The following GPHN variants were observed in gnomAD, a reference collection of about 807,000 sequenced individuals.
The protein encoded by GPHN is gephyrin.
In GPHN, 17 loss-of-function variants were observed where a neutral mutation model predicts 95.5. The observed-to-expected ratio is 0.18, with a 90% CI of 0.12 to 0.27. GPHN has a LOEUF of 0.27. GPHN is among the 10% of genes least tolerant of loss of function. GPHN has a pLI of 1.00. For synonymous variants in GPHN, 320 were observed against 322.5 expected, an observed-to-expected ratio of 0.99 and a Z score of 0.08; for missense variants, 660 against 978.1, an observed-to-expected ratio of 0.67 and a Z score of 4.34.
chr14:67,245,100 C>T, the GPHN span, among the ~76,000 whole-genome samples: 2 of 152,160 alleles, frequency 1.3e-5, no homozygotes, highest in Admixed American at 6.5e-5. Flanking sequence ...GCAGCCCTGC[C>T]AGTAATTTTA....
At chr14:66,844,530 G>A (rs2153511031) in intron 4 of GPHN, among the ~76,000 whole-genome samples, 2 of 152,182 alleles carry the variant, frequency 1.3e-5, no homozygotes, top group East Asian at 1.9e-4. Flanking sequence ...TGCTCGAAGT[G>A]TGGAAAATGC....
the GPHN span, among the ~76,000 whole-genome samples, chr14:67,523,509 G>C: frequency 6.6e-6 from 1 of 152,186 alleles, no homozygotes; most frequent in Non-Finnish European, 1.5e-5. Context: ...TGGAAGATGA[G>C]AGCAATGCAA....
chr14:66,832,559 T>A (rs745434512), intron 4 of GPHN, among the ~76,000 whole-genome samples: 4 of 152,220 alleles, frequency 2.6e-5, no homozygotes, highest in Non-Finnish European at 5.9e-5. Context: ...GGTTTTATAA[T>A]TATTTTTGTA....
chr14:67,209,215 T>C, the GPHN span, among the ~76,000 whole-genome samples: 2 of 152,192 alleles, frequency 1.3e-5, no homozygotes, highest in Non-Finnish European at 2.9e-5. Context: ...CAAGTCCATA[T>C]CTCATGGAGT....
the GPHN span, among the ~76,000 whole-genome samples, chr14:67,420,883 C>T: frequency 3.2e-3 from 487 of 152,286 alleles, 2 homozygotes; most frequent in African/African-American, 0.011. Context: ...AAGAAAATAG[C>T]AAACAATGAT....
At chr14:66,836,820 G>A (rs2061842971) in intron 4 of GPHN, among the ~76,000 whole-genome samples, 1 of 152,048 alleles carries the variant, frequency 6.6e-6, no homozygotes, top group South Asian at 2.1e-4. Context: ...AGACATTTAT[G>A]CAGCCAGAAA....
At chr14:67,617,674 T>C in the GPHN span, among the ~76,000 whole-genome samples, 1 of 152,218 alleles carries the variant, frequency 6.6e-6, no homozygotes, top group Non-Finnish European at 1.5e-5. Flanking sequence ...GAAAGGTCGG[T>C]CTGGTGATCC....
In GPHN at chr14:66,823,332, C is replaced by T. The variant is rs566714828; in HGVS notation, c.202-1142C>T. ...TTTATATACCAGAAAGAATAGAGAG[C>T]TATTTATAAGAGTGAGTATTTAAGC... On this transcript the variant is annotated intron_variant, in intron 3 of 22. Transcript: ENST00000478722. The T allele has an allele frequency of 3.3e-5, 5 of 152,244 alleles. No homozygotes were observed. In the South Asian group the frequency reaches 1.0e-3, roughly 32 times the overall value. The allele number at this position is 152,244 out of a possible 1,614,324, so 9.4% of individuals were successfully genotyped here. A position where few individuals can be genotyped will look rare whatever the true frequency, so the allele number is the denominator to read the frequency against.
intron 5 of GPHN, among the ~76,000 whole-genome samples, chr14:66,895,332 G>A (rs569729337): frequency 6.6e-6 from 1 of 152,264 alleles, no homozygotes; most frequent in South Asian, 2.1e-4. Flanking sequence ...CACAGGAAAG[G>A]GAACGTCACA....
chr14:66,618,574 C>T (rs1595261973), intron 1 of GPHN, among the ~76,000 whole-genome samples: 1 of 152,238 alleles, frequency 6.6e-6, no homozygotes, highest in South Asian at 2.1e-4. Context: ...CATCTCTACT[C>T]ATGGAAAATA....
chr14:67,532,188 G>GTT, the GPHN span, among the ~76,000 whole-genome samples: 1 of 152,240 alleles, frequency 6.6e-6, no homozygotes, highest in East Asian at 1.9e-4. Context: ...AAACTTCTAC[G>GTT]TGAGAATGGC....
intron 11 of GPHN, among the ~76,000 whole-genome samples, chr14:67,066,227 C>A (rs559372829): frequency 3.9e-5 from 6 of 152,116 alleles, no homozygotes; most frequent in Non-Finnish European, 4.4e-5. Flanking sequence ...GTTGAAAATT[C>A]TTTTCTTTAA....
chr14:67,528,248 A>G, the GPHN span, among the ~76,000 whole-genome samples: 4 of 152,198 alleles, frequency 2.6e-5, no homozygotes, highest in Admixed American at 2.6e-4. Flanking sequence ...CAAAGCTGGA[A>G]TTTGAACTCT....
intron 2 of GPHN, among the ~76,000 whole-genome samples, chr14:66,771,655 A>G (rs1405384206): frequency 6.6e-6 from 1 of 151,824 alleles, no homozygotes; most frequent in African/African-American, 2.4e-5. Context: ...TACATGTGCC[A>G]TGCTCGTGTG....
the GPHN span, among the ~76,000 whole-genome samples, chr14:67,475,244 A>T: frequency 6.6e-6 from 1 of 152,176 alleles, no homozygotes; most frequent in South Asian, 2.1e-4. Context: ...AGGCGGAATC[A>T]TATTCCATTG....
the GPHN span, chr14:67,333,949 G>C: frequency 6.6e-6 from 1 of 152,498 alleles, no homozygotes; most frequent in Non-Finnish European, 1.5e-5. Flanking sequence ...TAATAAACTG[G>C]AATTCTGTTG....
intron 3 of GPHN, among the ~76,000 whole-genome samples, chr14:66,781,724 T>C (rs2059614305): frequency 6.6e-6 from 1 of 152,194 alleles, no homozygotes. Flanking sequence ...ACTAAGGTCT[T>C]TGTTTAATTG....
rs116637580 is a variant in GPHN at position 66,816,615 on chromosome 14, G to A, written c.202-7859G>A. Among the ~76,000 whole-genome samples the A allele has an allele frequency of 3.2e-3, 480 of 152,234 alleles. 2 individuals are homozygous for A. Among genetic ancestry groups the A allele is most frequent in the African/African-American group, 0.011 (455 of 41,568 alleles). On this transcript the variant is annotated intron_variant, in intron 3 of 22. Transcript: ENST00000478722. ...GTTCTTTGAAACTAATGTGGACAAAGATACAACATACCAGAATCTCTGGGA... is the reference window on the plus strand; with the variant it reads ...GTTCTTTGAAACTAATGTGGACAAAAATACAACATACCAGAATCTCTGGGA...
the GPHN span, among the ~76,000 whole-genome samples, chr14:67,710,762 AT>A: frequency 6.6e-6 from 1 of 151,686 alleles, no homozygotes; most frequent in African/African-American, 2.4e-5. Context: ...CTACAATTAT[AT>A]TTTTATTAGA....
Sources: allele counts gnomAD v4.1 joint callset (sites outside exome capture counted in the v4.1 genomes callset), GRCh38; gene constraint gnomAD v4.1.1; transcripts MANE v1.5; gene names NCBI Gene and HGNC (gene_info 2026-07-23, HGNC 2026-07-21).